The following MACROD2 variants were observed in gnomAD, a reference collection of about 807,000 sequenced individuals.
The protein encoded by MACROD2 is mono-ADP ribosylhydrolase 2, also known as ADP-ribose glycohydrolase MACROD2.
A neutral mutation model predicts 70.4 loss-of-function variants in MACROD2; 36 were observed. That is an observed-to-expected ratio of 0.51 (90% CI 0.39 to 0.68). The LOEUF is 0.68. Among genes scored for constraint, MACROD2 ranks in the 30% least tolerant of loss-of-function variants. The pLI is 0.00. For synonymous variants in MACROD2, 172 were observed against 178.8 expected (o/e 0.96, Z 0.30); for missense variants, 496 against 538.4 (o/e 0.92, Z 0.78).
chr20:14,931,009 T>G (rs6131625), intron 5 of MACROD2, among the ~76,000 whole-genome samples: 14,369 of 151,968 alleles, frequency 0.095, 901 homozygotes, highest in East Asian at 0.31. Flanking sequence ...TAAAAATATA[T>G]TTTTTTAATG....
chr20:14,292,232 G>C (rs1369296845), intron 3 of MACROD2, among the ~76,000 whole-genome samples: 1 of 151,910 alleles, frequency 6.6e-6, no homozygotes, highest in Non-Finnish European at 1.5e-5. Context: ...ACAGCTAGAA[G>C]ATGAAGCACT....
intron 7 of MACROD2, among the ~76,000 whole-genome samples, chr20:15,496,218 TAAC>T (rs1337509132): frequency 1.3e-5 from 2 of 152,180 alleles, no homozygotes; most frequent in Admixed American, 6.5e-5. Context: ...GCAAACAAAC[TAAC>T]GAGAAAACAA....
rs1353399455 is a variant in MACROD2, at chr20:14,326,717, G to A, written c.272-166762G>A. 3 of 1,613,578 alleles carry A rather than the reference G, an allele frequency of 1.9e-6. No individual in the cohort carries two copies. The Admixed American group carries it at 5.0e-5, about 27-fold the overall frequency. Reference sequence around the variant, plus strand: ...TGCCTTAGATAAGAAAAAGCATTTGGGGGCACCCGATTGATGTGGTTATCT... The same window carrying A: ...TGCCTTAGATAAGAAAAAGCATTTGAGGGCACCCGATTGATGTGGTTATCT... On this transcript the variant is annotated intron_variant, in intron 3 of 17. Transcript: ENST00000684519. The surrounding 1 kb of genome is among the most constrained non-coding windows in gnomAD (Gnocchi z 5.5).
chr20:15,842,359 A>G (rs1348506405), intron 8 of MACROD2, among the ~76,000 whole-genome samples: 4 of 151,688 alleles, frequency 2.6e-5, no homozygotes, highest in Non-Finnish European at 5.9e-5. Context: ...ACGCCCATTT[A>G]TTTCAAAGAT....
At chr20:15,168,332 G>A (rs1481443115) in intron 5 of MACROD2, among the ~76,000 whole-genome samples, 1 of 151,936 alleles carries the variant, frequency 6.6e-6, no homozygotes, top group African/African-American at 2.4e-5. Context: ...TAAATCGAGG[G>A]CATTCTAGGA....
At chr20:15,169,321 TGGA>T (rs1157039897) in intron 5 of MACROD2, among the ~76,000 whole-genome samples, 1 of 151,906 alleles carries the variant, frequency 6.6e-6, no homozygotes, top group African/African-American at 2.4e-5. Context: ...GGAAGAGGAG[TGGA>T]GGACTATTTC....
At chr20:16,039,030 C>A (rs6135650) in intron 15 of MACROD2, among the ~76,000 whole-genome samples, 15,199 of 151,870 alleles carry the variant, frequency 0.1, 945 homozygotes, top group East Asian at 0.18. Context: ...TTGGTAGAAC[C>A]CAACCTTCAA....
At chr20:14,473,621 T>C (rs896629693) in intron 3 of MACROD2, among the ~76,000 whole-genome samples, 1 of 152,240 alleles carries the variant, frequency 6.6e-6, no homozygotes, top group African/African-American at 2.4e-5. Flanking sequence ...GGAGTGCAGA[T>C]GTCTCTTTGA....
chr20:15,369,058 A>G (rs16995610), intron 6 of MACROD2, among the ~76,000 whole-genome samples: 1,701 of 152,278 alleles, frequency 0.011, 29 homozygotes, highest in Middle Eastern at 0.037. Context: ...GGTTCCTGAT[A>G]GGAGAGATTC....
At chr20:14,113,511 G>C (rs1044653072) in intron 3 of MACROD2, among the ~76,000 whole-genome samples, 1 of 152,084 alleles carries the variant, frequency 6.6e-6, no homozygotes, top group East Asian at 1.9e-4. Flanking sequence ...TAAATAGCTT[G>C]TTAGTGTGCA....
chr20:15,923,810 T>C (rs1045271725), intron 10 of MACROD2, among the ~76,000 whole-genome samples: 2 of 152,102 alleles, frequency 1.3e-5, no homozygotes, highest in Non-Finnish European at 2.9e-5. Flanking sequence ...GTGTGGTTTC[T>C]CTACTTGCAA....
chr20:15,376,668 G>T (rs2045566714), intron 6 of MACROD2, among the ~76,000 whole-genome samples: 1 of 152,140 alleles, frequency 6.6e-6, no homozygotes, highest in African/African-American at 2.4e-5. Context: ...GAAAGTGAGA[G>T]ATTAGGGGAT....
At chr20:14,312,759 A>G (rs1235324653) in intron 3 of MACROD2, among the ~76,000 whole-genome samples, 5 of 152,212 alleles carry the variant, frequency 3.3e-5, no homozygotes, top group African/African-American at 1.2e-4. Context: ...CCAATTCTAT[A>G]AAGTGGGATT....
intron 11 of MACROD2, among the ~76,000 whole-genome samples, chr20:15,934,725 TC>T (rs1466404335): frequency 6.6e-6 from 1 of 151,982 alleles, no homozygotes. Context: ...TGAGATGGAG[TC>T]TTGCTCTGTC....
At chr20:14,547,034 CT>C in intron 4 of MACROD2, 1 of 152,568 alleles carries the variant, frequency 6.6e-6, no homozygotes, top group Non-Finnish European at 1.5e-5. Flanking sequence ...ATATCACGTA[CT>C]TTTCCCCCAA....
intron 3 of MACROD2, among the ~76,000 whole-genome samples, chr20:14,094,267 G>T (rs1441247952): frequency 6.6e-6 from 1 of 152,156 alleles, no homozygotes; most frequent in African/African-American, 2.4e-5. Flanking sequence ...GGATGATTAT[G>T]ATTTGAATGC....
chr20:14,417,327 A>G (rs901840133), intron 3 of MACROD2, among the ~76,000 whole-genome samples: 1 of 152,196 alleles, frequency 6.6e-6, no homozygotes, highest in African/African-American at 2.4e-5. Context: ...AAACTGCCCT[A>G]AGATTGAATG....
At chr20:15,835,099 A>G (rs1327021576) in intron 8 of MACROD2, among the ~76,000 whole-genome samples, 4 of 152,226 alleles carry the variant, frequency 2.6e-5, no homozygotes, top group Non-Finnish European at 5.9e-5. Context: ...GCCAATAGCC[A>G]GCATCAAATT....
At chr20:15,337,320 C>T (rs1435553293) in intron 6 of MACROD2, among the ~76,000 whole-genome samples, 1 of 151,488 alleles carries the variant, frequency 6.6e-6, no homozygotes, top group Non-Finnish European at 1.5e-5. Flanking sequence ...CCCAGAGAGT[C>T]TAGGGCAAAA....
Sources: allele counts gnomAD v4.1 joint callset (sites outside exome capture counted in the v4.1 genomes callset), GRCh38; gene constraint gnomAD v4.1.1; non-coding constraint Gnocchi (gnomAD v3.1); transcripts MANE v1.5; gene names NCBI Gene and HGNC (gene_info 2026-07-23, HGNC 2026-07-21).